The following TEX15 variants were observed in gnomAD, a reference collection of about 807,000 sequenced individuals.
The protein encoded by TEX15 is testis-expressed protein 15.
In TEX15, 171 loss-of-function variants were observed where a neutral mutation model predicts 237.3. That is an observed-to-expected ratio of 0.72 (90% CI 0.64 to 0.82). The LOEUF is 0.82. Ranked by LOEUF, TEX15 falls within the 40% of genes least tolerant of loss-of-function variation. TEX15 has a pLI of 0.00. For missense variants in TEX15, 3,750 were observed against 3,646.5 expected, an observed-to-expected ratio of 1.03 and a Z score of -0.73; for synonymous variants, 1,338 against 1,269.8, an observed-to-expected ratio of 1.05 and a Z score of -1.14.
chr8:30,834,266 A>G (rs1807244718), intron 10 of TEX15, among the ~76,000 whole-genome samples: 1 of 152,054 alleles, frequency 6.6e-6, no homozygotes, highest in South Asian at 2.1e-4. Flanking sequence ...TCCGCCTCCC[A>G]GATCCAAGCC....
chr8:30,886,001 A>G (rs1003822683), intron 3 of TEX15, among the ~76,000 whole-genome samples: 2 of 152,114 alleles, frequency 1.3e-5, no homozygotes, highest in African/African-American at 4.8e-5. Flanking sequence ...AAGTATCTTC[A>G]TGGTAGCTGC....
chr8:30,910,970 T>A (rs576075114), intron 1 of TEX15, among the ~76,000 whole-genome samples: 1 of 152,270 alleles, frequency 6.6e-6, no homozygotes, highest in South Asian at 2.1e-4. Flanking sequence ...ACTCCTCCAG[T>A]TCCCTTAACT....
chr8:30,869,313 G>T (rs978262103), intron 4 of TEX15, among the ~76,000 whole-genome samples: 3 of 151,882 alleles, frequency 2.0e-5, no homozygotes, highest in Non-Finnish European at 4.4e-5. Flanking sequence ...ACATGTAATT[G>T]AAACTGTGCC....
chr8:30,844,813 G>A lies in TEX15; in HGVS notation c.5354C>T (p.Thr1785Ile), dbSNP rs1406185943. The A allele has an allele frequency of 6.2e-7, 1 of 1,613,248 alleles. No homozygotes were observed. Among genetic ancestry groups the A allele is most frequent in the Non-Finnish European group, 8.5e-7 (1 of 1,179,566 alleles). The change falls in exon 8 of 11, where the codon ACA becomes ATA. Residue 1785 changes from threonine (T) to isoleucine (I), a missense_variant. Transcript: ENST00000643185. ...CAACTCATAATTCTCAGTGACATTTGTTTCATTCCCATCTGTATGGAGGCA... is the reference window on the plus strand; with the variant it reads ...CAACTCATAATTCTCAGTGACATTTATTTCATTCCCATCTGTATGGAGGCA... ...GNCLHTDGNE[T>I]NVTENYELDV...
chr8:30,844,911 A>G lies in TEX15; in HGVS notation c.5256T>C (p.Ser1752=), dbSNP rs780882204. The change falls in exon 8 of 11, where the codon AGT becomes AGC. Residue 1752 remains serine (S), a synonymous_variant. Coordinates refer to ENST00000643185, the MANE Select transcript of TEX15 (RefSeq NM_001350162.2). ...ILTVDSFAAS[S]TVPHCEQSCR... is the part of the protein sequence containing the mutation. ...AGCTCTGCTCACAGTGTGGTACAGT[A>G]CTGGATGCTGCAAAAGAATCTACAG... 4.0e-5 allele frequency: 64 copies of G among 1,613,348 alleles called. No individual in the cohort carries two copies. The highest frequency in any genetic ancestry group is 5.2e-5 in the Non-Finnish European group (61 of 1,179,554).
At chr8:30,901,491 G>A (rs1316773162) in intron 1 of TEX15, among the ~76,000 whole-genome samples, 1 of 152,174 alleles carries the variant, frequency 6.6e-6, no homozygotes, top group Admixed American at 6.5e-5. Context: ...AAGTGACAAG[G>A]AGTCAAGTCT....
intron 10 of TEX15, among the ~76,000 whole-genome samples, chr8:30,835,586 T>C (rs1422122229): frequency 6.6e-6 from 1 of 152,050 alleles, no homozygotes; most frequent in Non-Finnish European, 1.5e-5. Context: ...AAAAGAATTA[T>C]CTTGCATTTC....
At chr8:30,858,377 T>A (rs1054357352) in intron 7 of TEX15, among the ~76,000 whole-genome samples, 1 of 151,854 alleles carries the variant, frequency 6.6e-6, no homozygotes, top group Admixed American at 6.6e-5. Flanking sequence ...AGTGGTGTGA[T>A]CCTGACTCAC....
At chr8:30,863,950 CCATT>C (rs566353992) in intron 5 of TEX15, among the ~76,000 whole-genome samples, 257 of 36,882 alleles carry the variant, frequency 7.0e-3, no homozygotes, top group Admixed American at 0.018. Context: ...AAATTAGAGC[CCATT>C]CAAAGGAAAA....
At position 30,843,357 on chromosome 8, in the gene TEX15, G is replaced by A. The variant is rs138531639; in HGVS notation, c.6810C>T (p.Ile2270=). 5 of 1,610,466 alleles carry A rather than the reference G, an allele frequency of 3.1e-6. No homozygotes were observed. In the African/African-American group the frequency reaches 4.0e-5, roughly 13 times the overall value. ...CAAGATTTTTTGCAGCATCAAAAAAGATATGTTCCAGACCATAAAGAGATA... is the reference window on the plus strand; with the variant it reads ...CAAGATTTTTTGCAGCATCAAAAAAAATATGTTCCAGACCATAAAGAGATA... The part of the protein sequence containing the change: ...VKISLYGLEH[I]FFDAAKNLVW... Residue 2270 remains isoleucine, a synonymous_variant, in exon 8 of 11, where the codon ATC becomes ATT. Transcript: ENST00000643185.
At chr8:30,891,756 A>G (rs1203415119) in intron 2 of TEX15, among the ~76,000 whole-genome samples, 2 of 152,152 alleles carry the variant, frequency 1.3e-5, no homozygotes, top group Non-Finnish European at 2.9e-5. Context: ...GGCATAAGCC[A>G]CTGAATCCAG....
At chr8:30,833,441 C>A in intron 10 of TEX15, 118 bp from the exon 11 acceptor site, 2 of 703,610 alleles carry the variant, frequency 2.8e-6, no homozygotes, top group Non-Finnish European at 2.2e-6. Context: ...TGCTTATTTG[C>A]CCTTAAGTAG....
intron 1 of TEX15, among the ~76,000 whole-genome samples, chr8:30,903,313 G>C (rs1408588242): frequency 2.0e-5 from 3 of 152,198 alleles, no homozygotes; most frequent in African/African-American, 7.2e-5. Flanking sequence ...CCAGGCTATG[G>C]GGAGGAGTAC....
chr8:30,904,084 T>G (rs1809053045), intron 1 of TEX15, among the ~76,000 whole-genome samples: 1 of 152,184 alleles, frequency 6.6e-6, no homozygotes, highest in African/African-American at 2.4e-5. Flanking sequence ...AATCAGATGA[T>G]TAAAGATAAT....
At position 30,831,618 on chromosome 8, in the gene TEX15, T is replaced by C. The variant is rs1807181999; in HGVS notation, c.*1668A>G. 1 of 152,188 alleles carries C rather than the reference T, an allele frequency of 6.6e-6. No individual in the cohort carries two copies. Among genetic ancestry groups the C allele is most frequent in the Admixed American group, 6.6e-5 (1 of 15,264 alleles). The allele number at this position is 152,188 out of a possible 1,614,324, so 9.4% of individuals were successfully genotyped here. On this transcript the variant is annotated 3_prime_UTR_variant, in exon 11 of 11. Coordinates refer to ENST00000643185, the MANE Select transcript of TEX15 (RefSeq NM_001350162.2). ...TTAAAAATGTAACTGAATATTTAGG[T>C]AAGTCTTTAAGAGAAATTAAAACCC...
intron 1 of TEX15, among the ~76,000 whole-genome samples, chr8:30,901,578 G>T (rs1450110485): frequency 1.3e-5 from 2 of 152,166 alleles, no homozygotes; most frequent in Non-Finnish European, 2.9e-5. Flanking sequence ...TTGTATGGGA[G>T]TACAGAAAAC....
intron 4 of TEX15, among the ~76,000 whole-genome samples, chr8:30,872,088 C>CT (rs1336736558): frequency 2.6e-5 from 4 of 151,726 alleles, no homozygotes; most frequent in Non-Finnish European, 4.4e-5. Flanking sequence ...GTAAGAATGT[C>CT]TGTCTCTTGG....
At chr8:30,857,743 C>A (rs1311404582) in intron 7 of TEX15, among the ~76,000 whole-genome samples, 1 of 152,116 alleles carries the variant, frequency 6.6e-6, no homozygotes, top group Non-Finnish European at 1.5e-5. Flanking sequence ...GTAGCAAAAA[C>A]ACTGAAAAAG....
At position 30,846,533 on chromosome 8, in the gene TEX15, CACCAAAAGGCTGGG is replaced by C; in HGVS notation, c.3620_3633del (p.Ser1207Ter). 1 of 1,613,714 alleles carries C rather than the reference CACCAAAAGGCTGGG, an allele frequency of 6.2e-7. No individual in the cohort carries two copies. Among genetic ancestry groups the C allele is most frequent in the East Asian group, 2.2e-5 (1 of 44,868 alleles). On this transcript the variant is annotated frameshift_variant, in exon 8 of 11. Coordinates refer to ENST00000643185, the MANE Select transcript of TEX15 (RefSeq NM_001350162.2). LOFTEE classifies it high-confidence loss of function. ...TCTTCACATGGATAATCTGCATTTT[CACCAAAAGGCTGGG>C]AATAAATGTCAAATCCTAGAATTTC...
Sources: gnomAD v4.1 joint callset for allele counts (sites outside exome capture counted in the v4.1 genomes callset) on GRCh38, gnomAD v4.1.1 for gene constraint, MANE v1.5 for transcripts, NCBI Gene and HGNC (gene_info 2026-07-23, HGNC 2026-07-21) for gene names.